Variants in SRL observed in about 807,000 individuals in gnomAD.
SRL encodes sarcalumenin.
In SRL, 23 loss-of-function variants were observed where a neutral mutation model predicts 39.5. The ratio of observed to expected loss-of-function variants is 0.58; its 90% CI spans 0.42 to 0.82. SRL has a LOEUF of 0.82. SRL is among the 40% of genes least tolerant of loss of function. The pLI, the probability that SRL is intolerant of heterozygous loss-of-function variation, is 0.00. For synonymous variants in SRL, 272 were observed against 237.4 expected (o/e 1.15, Z -1.34); for missense variants, 592 against 607.8 (o/e 0.97, Z 0.27).
intron 3 of SRL, among the ~76,000 whole-genome samples, chr16:4,201,844 C>T (rs1406965282): frequency 1.4e-5 from 2 of 147,220 alleles, no homozygotes; most frequent in Admixed American, 6.7e-5. Flanking sequence ...TTAATAGAAA[C>T]GGGGTTTCAC....
intron 1 of SRL, among the ~76,000 whole-genome samples, chr16:4,231,942 A>G (rs13336225): frequency 0.38 from 58,219 of 152,180 alleles, 13,445 homozygotes; most frequent in African/African-American, 0.65. Context: ...CTGGAAATAG[A>G]GCAAGTATCA....
At chr16:4,195,177 G>A (rs1443133328) in intron 5 of SRL, among the ~76,000 whole-genome samples, 1 of 152,116 alleles carries the variant, frequency 6.6e-6, no homozygotes, top group Non-Finnish European at 1.5e-5. Flanking sequence ...TTACAGGTGT[G>A]AGCCACTGTG....
chr16:4,206,445 G>A (rs2052319457), intron 1 of SRL, among the ~76,000 whole-genome samples: 1 of 152,152 alleles, frequency 6.6e-6, no homozygotes, highest in South Asian at 2.1e-4. Context: ...CCTTTAGGCT[G>A]AGGCACTGGC....
At chr16:4,227,820 C>T (rs1394086392) in intron 1 of SRL, among the ~76,000 whole-genome samples, 1 of 152,154 alleles carries the variant, frequency 6.6e-6, no homozygotes, top group Non-Finnish European at 1.5e-5. Context: ...GTGACAGCTA[C>T]ATGAACTGAA....
At chr16:4,212,739 C>A (rs2052409686) in intron 1 of SRL, among the ~76,000 whole-genome samples, 1 of 152,140 alleles carries the variant, frequency 6.6e-6, no homozygotes, top group Non-Finnish European at 1.5e-5. Flanking sequence ...CCCACTCACA[C>A]CCAGTCCAAG....
intron 3 of SRL, among the ~76,000 whole-genome samples, chr16:4,201,301 G>C (rs764374293): frequency 6.6e-6 from 1 of 151,958 alleles, no homozygotes; most frequent in South Asian, 2.1e-4. Context: ...TTTTGAGATG[G>C]AGTCTCACTC....
intron 3 of SRL, 152 bp from the exon 4 acceptor site, chr16:4,198,067 T>G: frequency 4.7e-6 from 3 of 633,112 alleles, no homozygotes; most frequent in East Asian, 2.8e-5. Context: ...GGCGCTTCTC[T>G]TGCTACGTAA....
At chr16:4,196,273 T>G (rs562074534) in intron 4 of SRL, among the ~76,000 whole-genome samples, 1 of 152,150 alleles carries the variant, frequency 6.6e-6, no homozygotes, top group Admixed American at 6.5e-5. Context: ...ATTTACCATT[T>G]TAATCATTTT....
intron 3 of SRL, among the ~76,000 whole-genome samples, chr16:4,199,994 G>GT (rs1567175715): frequency 1.3e-5 from 2 of 152,030 alleles, no homozygotes; most frequent in East Asian, 1.9e-4. Flanking sequence ...CCCACACCCG[G>GT]CCCCATCTTT....
intron 1 of SRL, among the ~76,000 whole-genome samples, chr16:4,231,886 G>A (rs1167712856): frequency 6.6e-6 from 1 of 152,138 alleles, no homozygotes; most frequent in Admixed American, 6.5e-5. Context: ...AATATTTTAA[G>A]CATCCGATAG....
chr16:4,196,418 C>G (rs1283163099), intron 4 of SRL, among the ~76,000 whole-genome samples: 2 of 151,926 alleles, frequency 1.3e-5, no homozygotes, highest in Admixed American at 1.3e-4. Flanking sequence ...ATTTCCTCTT[C>G]CCCCAGTCCC....
intron 1 of SRL, among the ~76,000 whole-genome samples, chr16:4,235,732 A>G (rs1176405704): frequency 6.6e-6 from 1 of 152,096 alleles, no homozygotes; most frequent in Non-Finnish European, 1.5e-5. Flanking sequence ...AAAAAGAGAG[A>G]GGACTACAGT....
intron 1 of SRL, among the ~76,000 whole-genome samples, chr16:4,229,459 C>A (rs1030054662): frequency 1.3e-5 from 2 of 151,588 alleles, no homozygotes; most frequent in Admixed American, 1.3e-4. Context: ...CAAAAAAAAA[C>A]AAAAAACATG....
chr16:4,207,376 T>C, intron 1 of SRL: 1 of 456,718 alleles, frequency 2.2e-6, no homozygotes, highest in South Asian at 1.5e-5. Context: ...TGGTCCTCGG[T>C]GCCCTCACTG....
intron 1 of SRL, among the ~76,000 whole-genome samples, chr16:4,235,267 T>C (rs772839251): frequency 3.9e-5 from 6 of 152,194 alleles, no homozygotes; most frequent in Non-Finnish European, 7.3e-5. Context: ...GCCCACCACC[T>C]TGAGCCAAAG....
intron 1 of SRL, among the ~76,000 whole-genome samples, chr16:4,232,908 A>G (rs2141068773): frequency 6.6e-6 from 1 of 152,306 alleles, no homozygotes; most frequent in South Asian, 2.1e-4. Flanking sequence ...GCAGCAATCC[A>G]GTGGTGGGGG....
intron 1 of SRL, among the ~76,000 whole-genome samples, chr16:4,216,865 C>T (rs1219618302): frequency 6.6e-6 from 1 of 152,180 alleles, no homozygotes; most frequent in East Asian, 1.9e-4. Flanking sequence ...CCGAAGAAAT[C>T]CAATCTCCCT....
At chr16:4,193,983 G>A (rs556280761) in intron 5 of SRL, among the ~76,000 whole-genome samples, 8 of 151,020 alleles carry the variant, frequency 5.3e-5, no homozygotes, top group African/African-American at 1.7e-4. Context: ...ATTATTAATT[G>A]CTTCTAATAT....
At chr16:4,208,262 C>T (rs1014992797) in intron 1 of SRL, among the ~76,000 whole-genome samples, 1 of 152,082 alleles carries the variant, frequency 6.6e-6, no homozygotes, top group African/African-American at 2.4e-5. Context: ...CTACCTCGTG[C>T]GTAGCGAGCA....
Sources: allele counts gnomAD v4.1 joint callset (sites outside exome capture counted in the v4.1 genomes callset), GRCh38; gene constraint gnomAD v4.1.1; transcripts MANE v1.5; gene names NCBI Gene and HGNC (gene_info 2026-07-23, HGNC 2026-07-21).